Variants in IKZF3 observed in about 807,000 individuals in gnomAD.
The protein encoded by IKZF3 is IKAROS family zinc finger 3.
IKZF3 carries 10 observed loss-of-function variants against 49.0 expected under a neutral mutation model. The observed-to-expected ratio is 0.20, with a 90% CI of 0.13 to 0.35. IKZF3 has a LOEUF of 0.35. IKZF3 is among the 10% of genes least tolerant of loss of function. IKZF3 has a pLI of 1.00. For synonymous variants in IKZF3, 209 were observed against 228.2 expected (o/e 0.92, Z 0.76); for missense variants, 498 against 664.8 (o/e 0.75, Z 2.76).
intron 3 of IKZF3, among the ~76,000 whole-genome samples, chr17:39,815,558 T>G (rs1347776299): frequency 6.6e-6 from 1 of 152,264 alleles, no homozygotes; most frequent in Non-Finnish European, 1.5e-5. Flanking sequence ...TTGTTTTAAC[T>G]CTTGCTTTTG....
intron 3 of IKZF3, among the ~76,000 whole-genome samples, chr17:39,808,733 TGA>T (rs1188617825): frequency 3.3e-5 from 5 of 151,850 alleles, no homozygotes; most frequent in Non-Finnish European, 7.4e-5. Context: ...CTTTACAGTC[TGA>T]GAGAGAGAGA....
chr17:39,851,320 T>C (rs992010344), intron 1 of IKZF3, among the ~76,000 whole-genome samples: 4 of 152,008 alleles, frequency 2.6e-5, no homozygotes, highest in African/African-American at 9.7e-5. Flanking sequence ...TGAGCCAGCG[T>C]GCCTGGCCAC....
At chr17:39,847,046 TTA>T (rs1347527639) in intron 1 of IKZF3, among the ~76,000 whole-genome samples, 2 of 152,134 alleles carry the variant, frequency 1.3e-5, no homozygotes, top group Non-Finnish European at 2.9e-5. Context: ...AAGAAAAAGT[TTA>T]TCTTATCTAA....
intron 6 of IKZF3, 36 bp downstream of exon 6, chr17:39,788,222 G>T: frequency 7.9e-7 from 1 of 1,258,938 alleles, no homozygotes; most frequent in Non-Finnish European, 1.2e-6. Flanking sequence ...ACCTAGGACA[G>T]CAGATGCTCA....
At chr17:39,828,175 AAC>A (rs1363915028) in intron 3 of IKZF3, among the ~76,000 whole-genome samples, 1 of 152,220 alleles carries the variant, frequency 6.6e-6, no homozygotes, top group African/African-American at 2.4e-5. Flanking sequence ...CGTAGCTTTA[AAC>A]CTTTATGTCA....
chr17:39,854,649 T>C (rs1274935257), intron 1 of IKZF3, among the ~76,000 whole-genome samples: 1 of 152,174 alleles, frequency 6.6e-6, no homozygotes, highest in Non-Finnish European at 1.5e-5. Context: ...TAGACCATAA[T>C]GGATGAGTGA....
intron 6 of IKZF3, among the ~76,000 whole-genome samples, chr17:39,785,481 T>C (rs2060852041): frequency 6.6e-6 from 1 of 152,210 alleles, no homozygotes; most frequent in Admixed American, 6.5e-5. Context: ...CAGCATTTCC[T>C]GAATCACCTA....
intron 1 of IKZF3, among the ~76,000 whole-genome samples, chr17:39,844,742 C>T (rs1410960216): frequency 6.6e-6 from 1 of 152,076 alleles, no homozygotes; most frequent in African/African-American, 2.4e-5. Flanking sequence ...CCTGCCTTAG[C>T]CTCCCAAGTA....
rs1220388855 is a variant in IKZF3 at position 39,761,084 on chromosome 17, T to C, written c.*4706A>G. On this transcript the variant is annotated 3_prime_UTR_variant, in exon 8 of 8. Coordinates refer to ENST00000346872, the MANE Select transcript of IKZF3 (RefSeq NM_012481.5). ...AGGAGGATTGTTTGAGCCTAGGAGA[T>C]CAAAATCTGAGGTCATTTTATATCT... is the stretch of plus-strand genomic sequence containing the variant. 1 of 151,168 alleles carries C rather than the reference T, an allele frequency of 6.6e-6. No individual in the cohort carries two copies. The allele number at this position is 151,168 out of a possible 1,614,324, so 9.4% of individuals were successfully genotyped here. A position where few individuals can be genotyped will look rare whatever the true frequency, so the allele number is the denominator to read the frequency against.
At chr17:39,771,404 TACA>T (rs1467988865) in intron 7 of IKZF3, among the ~76,000 whole-genome samples, 1 of 152,212 alleles carries the variant, frequency 6.6e-6, no homozygotes, top group African/African-American at 2.4e-5. Flanking sequence ...ATTTGAGGAA[TACA>T]ACAAAATTGC....
intron 1 of IKZF3, among the ~76,000 whole-genome samples, chr17:39,833,462 C>T (rs2062174037): frequency 6.6e-6 from 1 of 152,138 alleles, no homozygotes; most frequent in Admixed American, 6.5e-5. Flanking sequence ...ACTTTTTCCA[C>T]CATAGATTAG....
chr17:39,841,989 T>C (rs1049191934), intron 1 of IKZF3, among the ~76,000 whole-genome samples: 2 of 125,842 alleles, frequency 1.6e-5, no homozygotes, highest in Admixed American at 1.1e-4. Flanking sequence ...AAGGCTACAG[T>C]GAGCTATGAA....
intron 1 of IKZF3, chr17:39,835,743 A>G (rs2062258310): frequency 7.8e-6 from 4 of 511,098 alleles, no homozygotes; most frequent in African/African-American, 3.9e-5. Flanking sequence ...GAGGAAGCTG[A>G]TCTTGTAAGC....
chr17:39,818,292 T>C (rs2061723166), intron 3 of IKZF3, among the ~76,000 whole-genome samples: 1 of 152,242 alleles, frequency 6.6e-6, no homozygotes, highest in South Asian at 2.1e-4. Flanking sequence ...TATACATACA[T>C]ACCTATGATA....
At chr17:39,812,416 A>G (rs1453280316) in intron 3 of IKZF3, among the ~76,000 whole-genome samples, 1 of 152,118 alleles carries the variant, frequency 6.6e-6, no homozygotes, top group African/African-American at 2.4e-5. Flanking sequence ...TTGCTTAACA[A>G]CCAGCTCAGG....
At chr17:39,788,588 G>A (rs536098614) in intron 5 of IKZF3, among the ~76,000 whole-genome samples, 2 of 152,270 alleles carry the variant, frequency 1.3e-5, no homozygotes, top group African/African-American at 2.4e-5. Flanking sequence ...CAAAAGGATC[G>A]CCTCCTATCA....
At chr17:39,778,171 A>C in intron 6 of IKZF3, 1 of 988,054 alleles carries the variant, frequency 1.0e-6, no homozygotes. Context: ...CTTTGAAAAA[A>C]AAGCATGGTG....
intron 3 of IKZF3, among the ~76,000 whole-genome samples, chr17:39,819,581 A>C (rs2061755043): frequency 6.6e-6 from 1 of 152,248 alleles, no homozygotes; most frequent in South Asian, 2.1e-4. Context: ...TGTTAGTTGA[A>C]GCTGTGATTT....
At chr17:39,799,797 G>A (rs773397565) in intron 3 of IKZF3, among the ~76,000 whole-genome samples, 1 of 152,106 alleles carries the variant, frequency 6.6e-6, no homozygotes, top group Non-Finnish European at 1.5e-5. Context: ...CAGTTTAAAT[G>A]CCACTTCTTC....
Sources: gnomAD v4.1 joint callset for allele counts (sites outside exome capture counted in the v4.1 genomes callset) on GRCh38, gnomAD v4.1.1 for gene constraint, MANE v1.5 for transcripts, NCBI Gene and HGNC (gene_info 2026-07-23, HGNC 2026-07-21) for gene names.